The following USP19 variants were observed in gnomAD, a reference collection of about 807,000 sequenced individuals.
USP19 encodes the protein ubiquitin specific peptidase 19.
Under a neutral mutation model 144.8 loss-of-function variants are expected in USP19, and 40 were observed. That is an observed-to-expected ratio of 0.28 (90% confidence interval 0.21 to 0.36). The LOEUF is 0.36. Among genes scored for constraint, USP19 ranks in the 10% least tolerant of loss-of-function variants. USP19 has a pLI of 1.00. For missense variants in USP19, 1,518 were observed against 1,822.5 expected, an observed-to-expected ratio of 0.83 and a Z score of 3.04; for synonymous variants, 701 against 709.3, an observed-to-expected ratio of 0.99 and a Z score of 0.19.
Position 49,112,051 on chromosome 3 carries a change from G to A in USP19, c.2766-3C>T. The A allele has an allele frequency of 6.2e-7, 1 of 1,613,900 alleles. No homozygotes were observed. Among genetic ancestry groups the A allele is most frequent in the African/African-American group, 1.3e-5 (1 of 75,062 alleles). On this transcript the variant is annotated splice_region_variant and splice_polypyrimidine_tract_variant and intron_variant, in intron 19 of 26. Coordinates refer to ENST00000417901, the MANE Select transcript of USP19 (RefSeq NM_001199161.2). This position sits in a 1 kb window ranked among gnomAD's most constrained non-coding sequence, Gnocchi z 4.9. The stretch of plus-strand genomic sequence containing the variant: ...GCCAGTGGGTTTTCTGGCAGAGCCT[G>A]ACGGGAAGAGGAAGACAAGGATAGG...
chr3:49,108,586 CG>C lies in USP19; in HGVS notation c.4039-59del. 7.9e-7 allele frequency: 1 copy of C among 1,258,100 alleles called. No individual in the cohort carries two copies. Among genetic ancestry groups the C allele is most frequent in the East Asian group, 3.3e-5 (1 of 29,918 alleles). 77.9% of individuals were successfully genotyped at this position (1,258,100 alleles called of 1,614,324 possible). A position where few individuals can be genotyped will look rare whatever the true frequency, so the allele number is the denominator to read the frequency against. On this transcript the variant is annotated intron_variant, in intron 26 of 26. Transcript: ENST00000417901. This position sits in a 1 kb window ranked among gnomAD's most constrained non-coding sequence, Gnocchi z 4.8. ...CTGCCCAGCATGCCGCCTGGCATCC[CG>C]GGGGTGCTGGCTTGGAGCCCTGGCA...
At position 49,114,193 on chromosome 3, in the gene USP19, G is replaced by C. The variant is rs2043688361; in HGVS notation, c.2384C>G (p.Pro795Arg). The change falls in exon 16 of 27, where the codon CCC (proline) becomes CGC (arginine). Residue 795 changes from proline (P) to arginine (R), a missense_variant. Physicochemically the swap from Pro to Arg is moderately radical, Grantham distance 103 (BLOSUM62 -2). Around this residue, in one of 5 missense-constraint regions of USP19, gnomAD observed 413 missense variants for 515.8 expected, o/e 0.80. Coordinates refer to ENST00000417901, the MANE Select transcript of USP19 (RefSeq NM_001199161.2). This position sits in a 1 kb window ranked among gnomAD's most constrained non-coding sequence, Gnocchi z 4.5. ...CCTCACCTTGATGGGCTTGCTGTGG[G>C]GCTCTCGGGCAAAATAAAAGACAGG... ...VLPVFYFARE[P>R]HSKPIKFLVS... 1 of 1,614,222 alleles carries C rather than the reference G, an allele frequency of 6.2e-7. No homozygotes were observed. The highest frequency in any genetic ancestry group is 8.5e-7 in the Non-Finnish European group (1 of 1,180,034).
Position 49,114,219 on chromosome 3 carries a change from G to A in USP19, c.2358C>T (p.Leu786=), listed in dbSNP as rs1422843026. ...GCTCTCGGGCAAAATAAAAGACAGGGAGAACCTTTTGCTTTTGTGGCAAGG... is the reference window on the plus strand; with the variant it reads ...GCTCTCGGGCAAAATAAAAGACAGGAAGAACCTTTTGCTTTTGTGGCAAGG... ...PVPLPQKQKV[L]PVFYFAREPH... The change falls in exon 16 of 27, where the codon CTC becomes CTT. Residue 786 remains leucine (L), a synonymous_variant. Coordinates refer to ENST00000417901, the MANE Select transcript of USP19 (RefSeq NM_001199161.2). This position sits in a 1 kb window ranked among gnomAD's most constrained non-coding sequence, Gnocchi z 4.5. 7.4e-6 allele frequency: 12 copies of A among 1,614,216 alleles called. No homozygotes were observed. In the South Asian group the frequency reaches 1.2e-4, roughly 16 times the overall value.
At position 49,117,901 on chromosome 3, in the gene USP19, T is replaced by C; in HGVS notation, c.298+46A>G. On this transcript the variant is annotated intron_variant, in intron 3 of 26. Coordinates refer to ENST00000417901, the MANE Select transcript of USP19 (RefSeq NM_001199161.2). The surrounding 1 kb of genome is among the most constrained non-coding windows in gnomAD (Gnocchi z 4.4). ...CTTCAGATGGGAGCCAAATTGCAAG[T>C]GCCCCCTCCCCTTCCCTAGCAACAA... 3.1e-6 allele frequency: 5 copies of C among 1,613,160 alleles called. No individual in the cohort carries two copies. Among genetic ancestry groups the C allele is most frequent in the Non-Finnish European group, 4.2e-6 (5 of 1,179,718 alleles).
At chr3:49,113,744 G>A (rs1051283439) in intron 17 of USP19, among the ~76,000 whole-genome samples, 2 of 152,022 alleles carry the variant, frequency 1.3e-5, no homozygotes, top group African/African-American at 2.4e-5. Context: ...ACTATAACAC[G>A]TACCACCATG....
Position 49,117,517 on chromosome 3 carries a change from T to G in USP19, c.526A>C (p.Lys176Gln). 1 of 1,614,144 alleles carries G rather than the reference T, an allele frequency of 6.2e-7. No individual in the cohort carries two copies. The highest frequency in any genetic ancestry group is 8.5e-7 in the Non-Finnish European group (1 of 1,180,050). The change falls in exon 5 of 27, where the codon AAA becomes CAA. Residue 176 changes from lysine to glutamine, a missense_variant. Coordinates refer to ENST00000417901, the MANE Select transcript of USP19 (RefSeq NM_001199161.2). The surrounding 1 kb of genome is among the most constrained non-coding windows in gnomAD (Gnocchi z 4.4). ...AGACTGCCCTTGCGGGTTTGCACTT[T>G]AGCACAAGAGCTTTTTATCTCAGCA... ...FYAEIKSSCA[K>Q]VQTRKGSLLH...
rs2043655497 is a variant in USP19, at chr3:49,114,027, C to T, written c.2470G>A (p.Val824Ile). Residue 824 changes from valine to isoleucine, a missense_variant, in exon 17 of 27, where the codon GTT (valine) becomes ATT (isoleucine). Val to Ile is a conservative substitution (Grantham distance 29). Coordinates refer to ENST00000417901, the MANE Select transcript of USP19 (RefSeq NM_001199161.2). The surrounding 1 kb of genome is among the most constrained non-coding windows in gnomAD (Gnocchi z 4.5). ...CGCAGGTTCTCAGGCTTCACATGAA[C>T]ACTCTGAGAGAGGGAGTCCAATACT... ...SEVLDSLSQSVHVKPENLRLA... is the reference protein window; with the variant it reads ...SEVLDSLSQSIHVKPENLRLA... The T allele has an allele frequency of 6.2e-7, 1 of 1,614,202 alleles. No homozygotes were observed. The highest frequency in any genetic ancestry group is 8.5e-7 in the Non-Finnish European group (1 of 1,180,042).
Position 49,115,225 on chromosome 3 carries a change from C to A in USP19, c.2022+3G>T, listed in dbSNP as rs759383424. The A allele has an allele frequency of 3.7e-6, 6 of 1,613,802 alleles. No individual in the cohort carries two copies. The Admixed American group carries it at 8.3e-5, about 22-fold the overall frequency. On this transcript the variant is annotated splice_donor_region_variant and intron_variant, in intron 13 of 26. Transcript: ENST00000417901. This position sits in a 1 kb window ranked among gnomAD's most constrained non-coding sequence, Gnocchi z 6.6. Reference sequence around the variant, plus strand: ...GCCAAGGGTGACAGTGGTCACAGATCACCTTCAACTTGGAAGGCTGGAAGG... The same window carrying A: ...GCCAAGGGTGACAGTGGTCACAGATAACCTTCAACTTGGAAGGCTGGAAGG...
Position 49,111,102 on chromosome 3 carries a change from G to A in USP19, c.3393C>T (p.Arg1131=), listed in dbSNP as rs370115014. ...SLALVWRNNE[R]LQEFVLVASK... ...AGGCTACCAACACAAACTCCTGCAA[G>A]CGCTCATTGTTCCGCCAGACGAGAG... The change falls in exon 23 of 27, where the codon CGC becomes CGT. Residue 1131 remains arginine (R), a synonymous_variant. Transcript: ENST00000417901. The surrounding 1 kb of genome is among the most constrained non-coding windows in gnomAD (Gnocchi z 5.9). The A allele has an allele frequency of 1.5e-5, 25 of 1,613,802 alleles. No homozygotes were observed. The highest frequency in any genetic ancestry group is 1.9e-5 in the Non-Finnish European group (23 of 1,180,054).
Position 49,112,390 on chromosome 3 carries a change from G to A in USP19, c.2659C>T (p.Pro887Ser), listed in dbSNP as rs908300614. The A allele has an allele frequency of 1.9e-6, 3 of 1,613,906 alleles. No individual in the cohort carries two copies. The highest frequency in any genetic ancestry group is 2.5e-6 in the Non-Finnish European group (3 of 1,179,978). ...VLEVQQRPQV[P>S]SVPISKCAAC... ...GCACACTTGGAGATGGGGACGCTGGGCACCTGGGGGCGCTAGGGTGGGTCG... is the reference window on the plus strand; with the variant it reads ...GCACACTTGGAGATGGGGACGCTGGACACCTGGGGGCGCTAGGGTGGGTCG... Residue 887 changes from proline (P) to serine (S), a missense_variant, in exon 19 of 27, where the codon CCC becomes TCC. By Grantham distance (74) the Pro-to-Ser change is moderately conservative (BLOSUM62 -1). Transcript: ENST00000417901. This position sits in a 1 kb window ranked among gnomAD's most constrained non-coding sequence, Gnocchi z 4.9.
rs1443237790 is a variant in USP19 at position 49,108,063 on chromosome 3, T to G, written c.*349A>C. 6.6e-6 allele frequency: 1 copy of G among 152,350 alleles called. No homozygotes were observed. Among genetic ancestry groups the G allele is most frequent in the Non-Finnish European group, 1.5e-5 (1 of 68,162 alleles). The allele number at this position is 152,350 out of a possible 1,614,324, so 9.4% of individuals were successfully genotyped here. A position where few individuals can be genotyped will look rare whatever the true frequency, so the allele number is the denominator to read the frequency against. Reference sequence around the variant, plus strand: ...ACAGTCACTAAGTCTACTTACTTATTATTTATTTTTAAAATATATTTAAAC... The same window carrying G: ...ACAGTCACTAAGTCTACTTACTTATGATTTATTTTTAAAATATATTTAAAC... On this transcript the variant is annotated 3_prime_UTR_variant, in exon 27 of 27. Coordinates refer to ENST00000417901, the MANE Select transcript of USP19 (RefSeq NM_001199161.2). The surrounding 1 kb of genome is among the most constrained non-coding windows in gnomAD (Gnocchi z 4.8).
In USP19 at chr3:49,108,436, G is replaced by A; in HGVS notation, c.4131C>T (p.Tyr1377=). ...APPVDRPAPT[Y]SNMEEVD is the part of the protein sequence containing the mutation. ...GCTAATCCACCTCCTCCATGTTGCT[G>A]TAGGTGGGGGCTGGCCGATCCACAG... Residue 1377 remains tyrosine, a synonymous_variant, in exon 27 of 27, where the codon TAC becomes TAT. Coordinates refer to ENST00000417901, the MANE Select transcript of USP19 (RefSeq NM_001199161.2). This position sits in a 1 kb window ranked among gnomAD's most constrained non-coding sequence, Gnocchi z 4.8. 2.2e-6 allele frequency: 3 copies of A among 1,388,332 alleles called. No homozygotes were observed. The highest frequency in any genetic ancestry group is 1.9e-6 in the Non-Finnish European group (2 of 1,057,900). The allele number at this position is 1,388,332 out of a possible 1,614,324, so 86.0% of individuals were successfully genotyped here.
chr3:49,114,685 G>T lies in USP19; in HGVS notation c.2292+78C>A. On this transcript the variant is annotated intron_variant, in intron 15 of 26. Transcript: ENST00000417901. This position sits in a 1 kb window ranked among gnomAD's most constrained non-coding sequence, Gnocchi z 4.5. ...ACCTTGCCCTGTAGCACCTTAAGATGCACATGCCTCTGAACCTAATGTGAC... is the reference window on the plus strand; with the variant it reads ...ACCTTGCCCTGTAGCACCTTAAGATTCACATGCCTCTGAACCTAATGTGAC... 6.7e-7 allele frequency: 1 copy of T among 1,483,144 alleles called. No individual in the cohort carries two copies. Among genetic ancestry groups the T allele is most frequent in the Non-Finnish European group, 9.4e-7 (1 of 1,069,446 alleles). 91.9% of individuals were successfully genotyped at this position (1,483,144 alleles called of 1,614,324 possible). A position where few individuals can be genotyped will look rare whatever the true frequency, so the allele number is the denominator to read the frequency against.
chr3:49,118,111 G>C lies in USP19; in HGVS notation c.134C>G (p.Ser45Cys). ...AAGACCAGCCTGGGCAACATATCGA[G>C]ACCCTGTCTCTAAAAAAAAAATAAG... Reference protein sequence around the residue: ...KDGDPRKETGSRYVAQAGLEP... With the variant: ...KDGDPRKETGCRYVAQAGLEP... The change falls in exon 3 of 27, where the codon TCT becomes TGT. Residue 45 changes from serine (S) to cysteine (C), a missense_variant. Coordinates refer to ENST00000417901, the MANE Select transcript of USP19 (RefSeq NM_001199161.2). The C allele has an allele frequency of 7.7e-7, 1 of 1,301,922 alleles. No individual in the cohort carries two copies. The highest frequency in any genetic ancestry group is 1.1e-6 in the Non-Finnish European group (1 of 935,362). 80.6% of individuals were successfully genotyped at this position (1,301,922 alleles called of 1,614,324 possible).
At chr3:49,109,769 T>G (rs756112494) in intron 26 of USP19, among the ~76,000 whole-genome samples, 1 of 152,216 alleles carries the variant, frequency 6.6e-6, no homozygotes, top group Non-Finnish European at 1.5e-5. Context: ...CCAGAGGCCA[T>G]GGCCAGCCCA....
rs1434950036 is a variant in USP19 at position 49,114,884 on chromosome 3, G to T, written c.2182-11C>A. 1 of 1,614,168 alleles carries T rather than the reference G, an allele frequency of 6.2e-7. No individual in the cohort carries two copies. Among genetic ancestry groups the T allele is most frequent in the Non-Finnish European group, 8.5e-7 (1 of 1,180,004 alleles). On this transcript the variant is annotated splice_polypyrimidine_tract_variant and intron_variant, in intron 14 of 26. Coordinates refer to ENST00000417901, the MANE Select transcript of USP19 (RefSeq NM_001199161.2). This position sits in a 1 kb window ranked among gnomAD's most constrained non-coding sequence, Gnocchi z 4.5. ...TTCCTCAGCTACCACCTGAGAGGCA[G>T]AGTGGTGAGAACCAAAGAGTACCAG...
Position 49,117,005 on chromosome 3 carries a change from G to A in USP19, c.909+54C>T. 1 of 1,562,186 alleles carries A rather than the reference G, an allele frequency of 6.4e-7. No individual in the cohort carries two copies. Among genetic ancestry groups the A allele is most frequent in the Non-Finnish European group, 8.7e-7 (1 of 1,151,754 alleles). On this transcript the variant is annotated intron_variant, in intron 6 of 26. Transcript: ENST00000417901. This position sits in a 1 kb window ranked among gnomAD's most constrained non-coding sequence, Gnocchi z 4.4. ...GGTCTGCCAGGTGGCTCCCACTCCA[G>A]TGCACACCCTTTCCCCCCATCTCCT...
Position 49,116,518 on chromosome 3 carries a change from C to T in USP19, c.1216G>A (p.Glu406Lys). Residue 406 changes from glutamate to lysine, a missense_variant, in exon 8 of 27, where the codon GAG (glutamate) becomes AAG (lysine). Around this residue, in one of 5 missense-constraint regions of USP19, gnomAD observed 707 missense variants for 728.9 expected, o/e 0.97. Coordinates refer to ENST00000417901, the MANE Select transcript of USP19 (RefSeq NM_001199161.2). The surrounding 1 kb of genome is among the most constrained non-coding windows in gnomAD (Gnocchi z 5.0). ...ACTCTTGAGGTGTCCCTGCAGATCTCCTTCACGTACACGTGCACCACCACT... is the reference window on the plus strand; with the variant it reads ...ACTCTTGAGGTGTCCCTGCAGATCTTCTTCACGTACACGTGCACCACCACT... ...DSVVVHVYVKEICRDTSRVLF... is the reference protein window; with the variant it reads ...DSVVVHVYVKKICRDTSRVLF... 6.2e-7 allele frequency: 1 copy of T among 1,614,244 alleles called. No individual in the cohort carries two copies. Among genetic ancestry groups the T allele is most frequent in the Non-Finnish European group, 8.5e-7 (1 of 1,180,046 alleles).
chr3:49,108,799 C>G lies in USP19; in HGVS notation c.4039-271G>C. 1.4e-6 allele frequency: 2 copies of G among 1,438,590 alleles called. No individual in the cohort carries two copies. Among genetic ancestry groups the G allele is most frequent in the Non-Finnish European group, 1.8e-6 (2 of 1,097,944 alleles). The allele number at this position is 1,438,590 out of a possible 1,614,324, so 89.1% of individuals were successfully genotyped here. On this transcript the variant is annotated intron_variant, in intron 26 of 26. Transcript: ENST00000417901. This position sits in a 1 kb window ranked among gnomAD's most constrained non-coding sequence, Gnocchi z 4.8. ...ACAGACAGCCAGATGGATACACACC[C>G]TAGGATACTCTGCCCCTGCAGGGGC... is the stretch of plus-strand genomic sequence containing the variant.
Sources: gnomAD v4.1 joint callset for allele counts (sites outside exome capture counted in the v4.1 genomes callset) on GRCh38, gnomAD v4.1.1 for gene constraint, gnomAD v4.1.1 regional missense constraint, Gnocchi (gnomAD v3.1) non-coding constraint, MANE v1.5 for transcripts, NCBI Gene and HGNC (gene_info 2026-07-23, HGNC 2026-07-21) for gene names.